The following NAALADL2 variants were observed in gnomAD, a reference collection of about 807,000 sequenced individuals.
NAALADL2 encodes the protein N-acetylated alpha-linked acidic dipeptidase like 2.
In NAALADL2, 76 loss-of-function variants were observed where a neutral mutation model predicts 87.2. The observed-to-expected ratio is 0.87, with a 90% CI of 0.72 to 1.05. The LOEUF is 1.05. NAALADL2 is among the 50% of genes least tolerant of loss of function. The pLI is 0.00. For synonymous variants in NAALADL2, 354 were observed against 331.0 expected (o/e 1.07, Z -0.75); for missense variants, 1,089 against 945.8 (o/e 1.15, Z -1.99).
chr3:175,674,057 C>A (rs1379454227), intron 11 of NAALADL2, among the ~76,000 whole-genome samples: 1 of 151,962 alleles, frequency 6.6e-6, no homozygotes, highest in Non-Finnish European at 1.5e-5. Flanking sequence ...TCATTATGCT[C>A]TTTTTGCTGT....
intron 5 of NAALADL2, among the ~76,000 whole-genome samples, chr3:175,344,695 T>A (rs1762944928): frequency 6.6e-6 from 1 of 152,034 alleles, no homozygotes; most frequent in Non-Finnish European, 1.5e-5. Flanking sequence ...GTTGGAGAAG[T>A]AGTTATGGAT....
rs1486329701 is a variant in NAALADL2 at position 175,086,403 on chromosome 3, A to C, written c.44-10387A>C. On this transcript the variant is annotated intron_variant, in intron 1 of 13. Coordinates refer to ENST00000454872, the MANE Select transcript of NAALADL2 (RefSeq NM_207015.3). ...CATATATAAATTTAAAAATAGAGGGAGCATTACAGAAACAAAAAAAAAGAA... is the reference window on the plus strand; with the variant it reads ...CATATATAAATTTAAAAATAGAGGGCGCATTACAGAAACAAAAAAAAAGAA... 8.6e-5 allele frequency among the ~76,000 whole-genome samples: 13 copies of C among 151,998 alleles called. 1 individual carries two copies. Among genetic ancestry groups the C allele is most frequent in the Admixed American group, 8.5e-4 (13 of 15,260 alleles).
chr3:174,631,228 C>A (rs1722083120), intron 2 of NAALADL2, among the ~76,000 whole-genome samples: 1 of 152,122 alleles, frequency 6.6e-6, no homozygotes, highest in African/African-American at 2.4e-5. Context: ...GGCAATCTTT[C>A]TAAAAAGTTG....
At chr3:175,779,239 A>C (rs1235306072) in intron 13 of NAALADL2, among the ~76,000 whole-genome samples, 1 of 152,028 alleles carries the variant, frequency 6.6e-6, no homozygotes, top group Non-Finnish European at 1.5e-5. Context: ...TTCAGAGTGC[A>C]CTTCTTGCAT....
At chr3:175,308,418 G>C (rs1757964420) in intron 4 of NAALADL2, among the ~76,000 whole-genome samples, 1 of 152,168 alleles carries the variant, frequency 6.6e-6, no homozygotes, top group Non-Finnish European at 1.5e-5. Context: ...CAAAGCAATG[G>C]AAAGGAGGTA....
chr3:174,733,614 C>T (rs533760059), intron 2 of NAALADL2, among the ~76,000 whole-genome samples: 65 of 152,282 alleles, frequency 4.3e-4, no homozygotes, highest in African/African-American at 1.5e-3. Context: ...TGTTAAGGCT[C>T]TTTCTGTTAC....
At chr3:174,467,018 T>G (rs1716577277) in intron 1 of NAALADL2, among the ~76,000 whole-genome samples, 1 of 152,074 alleles carries the variant, frequency 6.6e-6, no homozygotes. Context: ...TAGAAGTTGT[T>G]TTTTTTTATG....
At chr3:174,839,128 ACT>A (rs1239405920) in intron 3 of NAALADL2, among the ~76,000 whole-genome samples, 1 of 152,228 alleles carries the variant, frequency 6.6e-6, no homozygotes, top group Non-Finnish European at 1.5e-5. Flanking sequence ...ACAGAATGGT[ACT>A]GTTATAAAAA....
At chr3:175,775,967 A>G (rs1362802115) in intron 13 of NAALADL2, among the ~76,000 whole-genome samples, 1 of 152,020 alleles carries the variant, frequency 6.6e-6, no homozygotes, top group Non-Finnish European at 1.5e-5. Context: ...TCATCCCTTT[A>G]TGTCTTACCG....
intron 1 of NAALADL2, among the ~76,000 whole-genome samples, chr3:174,931,260 A>G (rs1736848917): frequency 6.6e-6 from 1 of 152,144 alleles, no homozygotes; most frequent in Non-Finnish European, 1.5e-5. Context: ...AATGTAAAGT[A>G]CAATAAAGAA....
At chr3:175,233,888 T>C (rs781655158) in intron 2 of NAALADL2, 43 bp from the exon 3 acceptor site, 1 of 1,123,516 alleles carries the variant, frequency 8.9e-7, no homozygotes, top group African/African-American at 1.6e-5. Flanking sequence ...AAGAATAAAG[T>C]ATTCTCCTTT....
At chr3:175,506,916 T>C (rs1376346422) in intron 9 of NAALADL2, among the ~76,000 whole-genome samples, 1 of 152,098 alleles carries the variant, frequency 6.6e-6, no homozygotes, top group Non-Finnish European at 1.5e-5. Flanking sequence ...TTTCTTCCTT[T>C]AGAGGGGGAA....
chr3:174,472,079 C>A (rs1339923272), intron 1 of NAALADL2, among the ~76,000 whole-genome samples: 1 of 152,080 alleles, frequency 6.6e-6, no homozygotes, highest in Non-Finnish European at 1.5e-5. Context: ...ATTTATTTTT[C>A]CATGTCATCC....
At chr3:175,425,192 G>A in intron 5 of NAALADL2, among the ~76,000 whole-genome samples, 1 of 152,108 alleles carries the variant, frequency 6.6e-6, no homozygotes, top group East Asian at 1.9e-4. Context: ...AGGAGTAGAG[G>A]AGAAGCATGG....
intron 4 of NAALADL2, among the ~76,000 whole-genome samples, chr3:175,312,947 G>T (rs1224220403): frequency 1.3e-5 from 2 of 152,128 alleles, no homozygotes; most frequent in Non-Finnish European, 2.9e-5. Context: ...TTATTAGTTT[G>T]CTAGGGCTGC....
chr3:175,541,376 A>ATAGCTTAACCTAGCC (rs1712301668), intron 9 of NAALADL2, among the ~76,000 whole-genome samples: 1 of 152,246 alleles, frequency 6.6e-6, no homozygotes, highest in Non-Finnish European at 1.5e-5. Flanking sequence ...TTCAAACATC[A>ATAGCTTAACCTAGCC]TAGCTTAACC....
intron 5 of NAALADL2, among the ~76,000 whole-genome samples, chr3:175,325,360 T>C (rs776504511): frequency 7.9e-5 from 12 of 152,350 alleles, no homozygotes; most frequent in East Asian, 3.9e-4. Flanking sequence ...ATTCCTTTAA[T>C]AATCCATGTA....
intron 5 of NAALADL2, among the ~76,000 whole-genome samples, chr3:175,409,543 A>G (rs994840506): frequency 6.6e-6 from 1 of 151,932 alleles, no homozygotes; most frequent in Non-Finnish European, 1.5e-5. Flanking sequence ...TTGAAATAAT[A>G]TATATAAGTA....
chr3:174,502,678 C>G (rs957870152), intron 1 of NAALADL2, among the ~76,000 whole-genome samples: 1 of 152,196 alleles, frequency 6.6e-6, no homozygotes, highest in East Asian at 1.9e-4. Flanking sequence ...TTTTCAGCAA[C>G]ATTATACTTT....
Sources: allele counts gnomAD v4.1 joint callset (sites outside exome capture counted in the v4.1 genomes callset), GRCh38; gene constraint gnomAD v4.1.1; transcripts MANE v1.5; gene names NCBI Gene and HGNC (gene_info 2026-07-23, HGNC 2026-07-21).